ECHDC1: variants seen among roughly 807,000 people sequenced by gnomAD.
The protein encoded by ECHDC1 is ethylmalonyl-CoA decarboxylase 1, also known as ethylmalonyl-CoA decarboxylase.
ECHDC1 carries 29 observed loss-of-function variants against 29.7 expected under a neutral mutation model. That is an observed-to-expected ratio of 0.98 (90% CI 0.73 to 1.33). ECHDC1 has a LOEUF of 1.33. Among genes scored for constraint, ECHDC1 ranks in the 40% most tolerant of loss-of-function variants. ECHDC1 has a pLI of 0.00. For missense variants in ECHDC1, 328 were observed against 350.0 expected (o/e 0.94, Z 0.50); for synonymous variants, 126 against 123.1 (o/e 1.02, Z -0.15).
At position 127,330,797 on chromosome 6, in the gene ECHDC1, G is replaced by A. The variant is rs1380620489; in HGVS notation, c.220+12C>T. On this transcript the variant is annotated intron_variant, in intron 2 of 5. Coordinates refer to ENST00000454859, the MANE Select transcript of ECHDC1 (RefSeq NM_001002030.2). The stretch of plus-strand genomic sequence containing the variant: ...TAGTGTCATTCTTTAGGAATAAAAA[G>A]ATCCCTAATACCTGAAAAGGCATTC... 1 of 1,593,846 alleles carries A rather than the reference G, an allele frequency of 6.3e-7. No individual in the cohort carries two copies. The highest frequency in any genetic ancestry group is 8.6e-7 in the Non-Finnish European group (1 of 1,162,850).
intron 5 of ECHDC1, among the ~76,000 whole-genome samples, chr6:127,312,077 C>T (rs1415761808): frequency 6.6e-6 from 1 of 151,826 alleles, no homozygotes; most frequent in Non-Finnish European, 1.5e-5. Context: ...AACTCACAGG[C>T]TGGGAGAAAG....
chr6:127,302,396 A>G lies in ECHDC1; in HGVS notation c.498-12119T>C, dbSNP rs117884456. On this transcript the variant is annotated intron_variant, in intron 5 of 5. Coordinates refer to ENST00000454859, the MANE Select transcript of ECHDC1 (RefSeq NM_001002030.2). ...AATGCACACTTGCATGTAGCTTAAG[A>G]TTCTTTTTTTTTTTCTTTTTGAGAC... Among the ~76,000 whole-genome samples the G allele has an allele frequency of 4.2e-4, 63 of 151,718 alleles. No individual in the cohort carries two copies. In the East Asian group the frequency reaches 0.011, roughly 28 times the overall value.
chr6:127,323,690 C>A (rs751184728), intron 3 of ECHDC1, among the ~76,000 whole-genome samples: 2 of 152,132 alleles, frequency 1.3e-5, no homozygotes, highest in Non-Finnish European at 1.5e-5. Flanking sequence ...CCAAAAGATT[C>A]TTCCTCACAT....
At chr6:127,291,625 G>A (rs1409268127) in intron 5 of ECHDC1, among the ~76,000 whole-genome samples, 1 of 152,134 alleles carries the variant, frequency 6.6e-6, no homozygotes, top group Non-Finnish European at 1.5e-5. Flanking sequence ...TTGACTGCAT[G>A]CTTCAAGAAG....
intron 5 of ECHDC1, among the ~76,000 whole-genome samples, chr6:127,293,993 GAAAT>G (rs1780396072): frequency 6.6e-6 from 1 of 152,126 alleles, no homozygotes; most frequent in African/African-American, 2.4e-5. Context: ...AATAAAGTTA[GAAAT>G]AATACTGTAT....
intron 5 of ECHDC1, among the ~76,000 whole-genome samples, chr6:127,311,058 T>C (rs1418344811): frequency 1.3e-5 from 2 of 152,168 alleles, no homozygotes; most frequent in Non-Finnish European, 2.9e-5. Context: ...TACACATAAC[T>C]TATATACGCA....
At chr6:127,323,501 A>C (rs1783024043) in intron 3 of ECHDC1, among the ~76,000 whole-genome samples, 1 of 152,146 alleles carries the variant, frequency 6.6e-6, no homozygotes, top group Non-Finnish European at 1.5e-5. Context: ...GCTAGTAGGC[A>C]CTTTATATAT....
At position 127,314,195 on chromosome 6, in the gene ECHDC1, TG is replaced by T. The variant is rs368013983; in HGVS notation, c.497+620del. ...TAGCTGTGTTAGTAGGCCTTGGGAA[TG>T]GTACTGAGAAAGCAGTTTAAACCAT... On this transcript the variant is annotated intron_variant, in intron 5 of 5. Transcript: ENST00000454859. Among the ~76,000 whole-genome samples the T allele has an allele frequency of 3.0e-3, 454 of 152,340 alleles. 3 individuals carry two copies. Among genetic ancestry groups the T allele is most frequent in the African/African-American group, 0.011 (445 of 41,592 alleles).
At chr6:127,337,668 C>T (rs1784550994) in intron 1 of ECHDC1, among the ~76,000 whole-genome samples, 1 of 152,180 alleles carries the variant, frequency 6.6e-6, no homozygotes, top group Non-Finnish European at 1.5e-5. Context: ...ATATTTGGCT[C>T]AGAATAAATC....
chr6:127,312,925 T>C (rs1443081658), intron 5 of ECHDC1: 1 of 152,172 alleles, frequency 6.6e-6, no homozygotes, highest in Non-Finnish European at 1.5e-5. Context: ...CATTAAAAAG[T>C]ACATACTCTA....
chr6:127,328,588 G>C (rs1237926308), intron 2 of ECHDC1, among the ~76,000 whole-genome samples: 1 of 152,160 alleles, frequency 6.6e-6, no homozygotes, highest in South Asian at 2.1e-4. Flanking sequence ...CCTTTCCAAG[G>C]ATGTCCTAGA....
At chr6:127,302,949 A>T (rs906365314) in intron 5 of ECHDC1, among the ~76,000 whole-genome samples, 1 of 152,156 alleles carries the variant, frequency 6.6e-6, no homozygotes, top group Non-Finnish European at 1.5e-5. Context: ...GGGCACTGTC[A>T]TATAAAATAA....
intron 4 of ECHDC1, chr6:127,315,505 T>G: frequency 4.4e-6 from 1 of 228,642 alleles, no homozygotes; most frequent in South Asian, 5.8e-5. Flanking sequence ...TTTGCAGGGG[T>G]GTGTGAATAC....
At chr6:127,302,691 T>C (rs1020269948) in intron 5 of ECHDC1, among the ~76,000 whole-genome samples, 10 of 152,176 alleles carry the variant, frequency 6.6e-5, no homozygotes, top group Admixed American at 5.9e-4. Flanking sequence ...TGACCCACTG[T>C]GCCCAGCCTT....
intron 1 of ECHDC1, among the ~76,000 whole-genome samples, chr6:127,340,773 CCT>C (rs755473979): frequency 6.6e-6 from 1 of 151,132 alleles, no homozygotes; most frequent in Admixed American, 6.6e-5. Context: ...CTGCCATAAT[CCT>C]CTGTTTAGAG....
chr6:127,297,598 G>A (rs1780712632), intron 5 of ECHDC1, among the ~76,000 whole-genome samples: 1 of 152,098 alleles, frequency 6.6e-6, no homozygotes, highest in Non-Finnish European at 1.5e-5. Context: ...GTGATTAGCG[G>A]GCTTCCAGGA....
At chr6:127,336,377 CATT>C (rs1784424550) in intron 1 of ECHDC1, among the ~76,000 whole-genome samples, 1 of 152,082 alleles carries the variant, frequency 6.6e-6, no homozygotes, top group Non-Finnish European at 1.5e-5. Flanking sequence ...ATATTATTTT[CATT>C]CACTGAATAT....
chr6:127,292,700 T>C (rs998047635), intron 5 of ECHDC1, among the ~76,000 whole-genome samples: 5 of 152,068 alleles, frequency 3.3e-5, no homozygotes, highest in Non-Finnish European at 7.4e-5. Context: ...GACATTATTA[T>C]ATTAACAACA....
intron 5 of ECHDC1, among the ~76,000 whole-genome samples, chr6:127,307,009 CAA>C (rs1171752052): frequency 6.6e-6 from 1 of 151,976 alleles, no homozygotes; most frequent in East Asian, 1.9e-4. Flanking sequence ...AAATCAATAA[CAA>C]GAGGAATTTT....
Sources: allele counts gnomAD v4.1 joint callset (sites outside exome capture counted in the v4.1 genomes callset), GRCh38; gene constraint gnomAD v4.1.1; transcripts MANE v1.5; gene names NCBI Gene and HGNC (gene_info 2026-07-23, HGNC 2026-07-21).